The following TMEM132B variants were observed in gnomAD, a reference collection of about 807,000 sequenced individuals.
TMEM132B encodes transmembrane protein 132B.
In TMEM132B, 18 loss-of-function variants were observed where a neutral mutation model predicts 90.8. That is an observed-to-expected ratio of 0.20 (90% confidence interval 0.14 to 0.29). The LOEUF is 0.29. TMEM132B is among the 10% of genes least tolerant of loss of function. The pLI is 1.00. For missense variants in TMEM132B, 1,096 were observed against 1,326.8 expected (o/e 0.83, Z 2.70); for synonymous variants, 504 against 523.3 (o/e 0.96, Z 0.50).
chr12:125,593,500 T>A (rs1297445803), intron 5 of TMEM132B, among the ~76,000 whole-genome samples: 1 of 152,208 alleles, frequency 6.6e-6, no homozygotes, highest in Admixed American at 6.5e-5. Flanking sequence ...TTCCATCTAG[T>A]CTTCTCCATC....
At chr12:125,595,708 T>G (rs977021894) in intron 5 of TMEM132B, among the ~76,000 whole-genome samples, 4 of 152,182 alleles carry the variant, frequency 2.6e-5, no homozygotes, top group Non-Finnish European at 5.9e-5. Flanking sequence ...CACTATCACC[T>G]AAATGGAGAT....
At chr12:125,581,932 G>A (rs1412284071) in intron 4 of TMEM132B, among the ~76,000 whole-genome samples, 1 of 152,122 alleles carries the variant, frequency 6.6e-6, no homozygotes, top group African/African-American at 2.4e-5. Context: ...CCCGGGCAGA[G>A]GGGAGTGCTC....
intron 2 of TMEM132B, among the ~76,000 whole-genome samples, chr12:125,384,161 G>T (rs1035586712): frequency 6.6e-6 from 1 of 152,052 alleles, no homozygotes; most frequent in Non-Finnish European, 1.5e-5. Flanking sequence ...TGGTCAGGCT[G>T]GTCTCAAACT....
chr12:125,532,139 A>G (rs1337101341), intron 4 of TMEM132B, among the ~76,000 whole-genome samples: 2 of 152,236 alleles, frequency 1.3e-5, no homozygotes, highest in Non-Finnish European at 2.9e-5. Context: ...TGTTTGGTTC[A>G]GTTGACCTGC....
At chr12:125,378,523 A>G (rs1878564264) in intron 2 of TMEM132B, among the ~76,000 whole-genome samples, 1 of 152,184 alleles carries the variant, frequency 6.6e-6, no homozygotes, top group Non-Finnish European at 1.5e-5. Flanking sequence ...TTTTATCTTC[A>G]TGGCTGCTAC....
In TMEM132B at chr12:125,650,832, A is replaced by G. The variant is rs768101527; in HGVS notation, c.1793A>G (p.Asp598Gly). ...LGQLTYMLGP[D>G]WQFDITDLVT... ...CAGCTGACCTACATGCTGGGCCCCGACTGGCAGTTTGACATCACTGACCTT... is the reference window on the plus strand; with the variant it reads ...CAGCTGACCTACATGCTGGGCCCCGGCTGGCAGTTTGACATCACTGACCTT... Residue 598 changes from aspartate (D) to glycine (G), a missense_variant, in exon 7 of 9, where the codon GAC (aspartate) becomes GGC (glycine). Coordinates refer to ENST00000682704, the MANE Select transcript of TMEM132B (RefSeq NM_001366854.1). The G allele has an allele frequency of 6.2e-7, 1 of 1,614,192 alleles. No individual in the cohort carries two copies. Among genetic ancestry groups the G allele is most frequent in the Non-Finnish European group, 8.5e-7 (1 of 1,180,034 alleles).
At chr12:125,606,095 G>A (rs959072606) in intron 5 of TMEM132B, among the ~76,000 whole-genome samples, 3 of 152,164 alleles carry the variant, frequency 2.0e-5, no homozygotes, top group African/African-American at 4.8e-5. Context: ...TACAATTAAA[G>A]GGTAGAAAGT....
At chr12:125,553,211 A>C (rs1884280484) in intron 4 of TMEM132B, among the ~76,000 whole-genome samples, 1 of 152,216 alleles carries the variant, frequency 6.6e-6, no homozygotes, top group Admixed American at 6.5e-5. Context: ...AATACCCTTT[A>C]GGGAATGTAC....
chr12:125,363,474 C>G (rs528117996), intron 2 of TMEM132B, among the ~76,000 whole-genome samples: 51 of 152,248 alleles, frequency 3.3e-4, no homozygotes, highest in African/African-American at 1.2e-3. Context: ...GGGTCTGCCT[C>G]CCCGTTGGAA....
At chr12:125,322,568 G>T (rs1876458297) in intron 1 of TMEM132B, among the ~76,000 whole-genome samples, 1 of 152,168 alleles carries the variant, frequency 6.6e-6, no homozygotes, top group African/African-American at 2.4e-5. Context: ...GGTGTAGGAA[G>T]TATTCTAAAA....
chr12:125,483,814 C>G (rs776798596), intron 3 of TMEM132B, among the ~76,000 whole-genome samples: 3 of 152,132 alleles, frequency 2.0e-5, no homozygotes, highest in Non-Finnish European at 4.4e-5. Context: ...CAATCTTATT[C>G]TTTGTGTCTT....
chr12:125,532,952 G>A (rs3963520), intron 4 of TMEM132B, among the ~76,000 whole-genome samples: 49,169 of 152,062 alleles, frequency 0.32, 8,480 homozygotes, highest in East Asian at 0.51. Context: ...TGGGTTGCCC[G>A]CTGCAAGCCT....
intron 3 of TMEM132B, among the ~76,000 whole-genome samples, chr12:125,484,013 T>C (rs1882132270): frequency 6.6e-6 from 1 of 152,164 alleles, no homozygotes. Context: ...AGAAGTGGGC[T>C]ATAAGCTGAG....
chr12:125,577,962 T>C (rs1884974443), intron 4 of TMEM132B, among the ~76,000 whole-genome samples: 1 of 152,124 alleles, frequency 6.6e-6, no homozygotes, highest in Non-Finnish European at 1.5e-5. Flanking sequence ...TATCAGGTAA[T>C]TTACTTTGTA....
At chr12:125,631,216 A>T (rs528439796) in intron 5 of TMEM132B, among the ~76,000 whole-genome samples, 1 of 151,954 alleles carries the variant, frequency 6.6e-6, no homozygotes, top group East Asian at 1.9e-4. Flanking sequence ...GAAATTTTTC[A>T]ATTTTTTTTC....
chr12:125,565,172 G>A (rs779515679), intron 4 of TMEM132B, among the ~76,000 whole-genome samples: 138 of 152,290 alleles, frequency 9.1e-4, no homozygotes, highest in Non-Finnish European at 1.9e-3. Context: ...TGAAGTGACC[G>A]AGCAGGATTT....
rs1182914261 is a variant in TMEM132B at position 125,660,752 on chromosome 12, G to A, written c.*6042G>A. On this transcript the variant is annotated 3_prime_UTR_variant, in exon 9 of 9. Transcript: ENST00000682704. ...GGACAATCTTCATATTCTATGAGATGCCTTTAAAATTTCTTTGGATTTAAT... is the reference window on the plus strand; with the variant it reads ...GGACAATCTTCATATTCTATGAGATACCTTTAAAATTTCTTTGGATTTAAT... 2 of 152,188 alleles carry A rather than the reference G, an allele frequency of 1.3e-5. No individual in the cohort carries two copies. Among genetic ancestry groups the A allele is most frequent in the Non-Finnish European group, 2.9e-5 (2 of 68,028 alleles). The allele number at this position is 152,188 out of a possible 1,614,324, so 9.4% of individuals were successfully genotyped here. A position where few individuals can be genotyped will look rare whatever the true frequency, so the allele number is the denominator to read the frequency against.
intron 3 of TMEM132B, among the ~76,000 whole-genome samples, chr12:125,497,123 A>G (rs1466813857): frequency 6.6e-6 from 1 of 152,074 alleles, no homozygotes; most frequent in Non-Finnish European, 1.5e-5. Context: ...GCTGCCCTAA[A>G]TCTGCTGTCC....
intron 1 of TMEM132B, among the ~76,000 whole-genome samples, chr12:125,203,802 A>G (rs900069766): frequency 3.9e-5 from 6 of 152,192 alleles, no homozygotes; most frequent in African/African-American, 1.4e-4. Flanking sequence ...AGTATACACT[A>G]TCTATAGGGC....
Sources: allele counts gnomAD v4.1 joint callset (sites outside exome capture counted in the v4.1 genomes callset), GRCh38; gene constraint gnomAD v4.1.1; transcripts MANE v1.5; gene names NCBI Gene and HGNC (gene_info 2026-07-23, HGNC 2026-07-21).